PKNOX2: variants seen among roughly 807,000 people sequenced by gnomAD.
PKNOX2 encodes PBX/knotted 1 homeobox 2.
PKNOX2 carries 14 observed loss-of-function variants against 53.1 expected under a neutral mutation model. That is an observed-to-expected ratio of 0.26 (90% CI 0.17 to 0.41). The LOEUF is 0.41. Ranked by LOEUF, PKNOX2 falls within the 10% of genes least tolerant of loss-of-function variation. PKNOX2 has a pLI of 1.00. For synonymous variants in PKNOX2, 257 were observed against 242.8 expected (o/e 1.06, Z -0.54); for missense variants, 496 against 602.8 (o/e 0.82, Z 1.85).
chr11:125,222,146 A>T (rs149782554), intron 1 of PKNOX2, among the ~76,000 whole-genome samples: 11 of 152,074 alleles, frequency 7.2e-5, no homozygotes, highest in African/African-American at 2.4e-4. Flanking sequence ...ATGGCCCCAA[A>T]CTCTTCCTTG....
At chr11:125,357,679 C>T (rs117214744) in intron 4 of PKNOX2, among the ~76,000 whole-genome samples, 239 of 152,214 alleles carry the variant, frequency 1.6e-3, no homozygotes, top group South Asian at 3.1e-3. Context: ...GGTGTCTGTG[C>T]GGCCTGGCAG....
intron 2 of PKNOX2, among the ~76,000 whole-genome samples, chr11:125,264,872 T>A (rs2135755020): frequency 6.6e-6 from 1 of 152,212 alleles, no homozygotes; most frequent in Middle Eastern, 3.4e-3. Context: ...CCTGGCCCCA[T>A]CTGTGAAATG....
intron 2 of PKNOX2, among the ~76,000 whole-genome samples, chr11:125,306,144 C>T (rs1948438480): frequency 6.6e-6 from 1 of 152,132 alleles, no homozygotes; most frequent in Non-Finnish European, 1.5e-5. Context: ...TCTCTCACAC[C>T]CCTTCCCACC....
intron 2 of PKNOX2, among the ~76,000 whole-genome samples, chr11:125,271,412 C>T (rs1207826467): frequency 1.3e-5 from 2 of 152,220 alleles, no homozygotes; most frequent in Non-Finnish European, 2.9e-5. Flanking sequence ...TACAGTGTTC[C>T]ATGCTCTCCT....
intron 10 of PKNOX2, among the ~76,000 whole-genome samples, chr11:125,419,645 C>A (rs985909439): frequency 6.6e-6 from 1 of 151,740 alleles, no homozygotes; most frequent in African/African-American, 2.4e-5. Flanking sequence ...CTGTACAAAG[C>A]AATGACTATG....
chr11:125,357,334 G>T (rs1418247756), intron 4 of PKNOX2, among the ~76,000 whole-genome samples: 1 of 152,088 alleles, frequency 6.6e-6, no homozygotes, highest in Non-Finnish European at 1.5e-5. Flanking sequence ...CCAACCGTGG[G>T]GCCTTTATGC....
At chr11:125,188,844 C>T (rs1956610391) in intron 1 of PKNOX2, among the ~76,000 whole-genome samples, 1 of 152,022 alleles carries the variant, frequency 6.6e-6, no homozygotes, top group Non-Finnish European at 1.5e-5. Context: ...GTACATTCCT[C>T]CTCATGCGCC....
rs1952286446 is a variant in PKNOX2, at chr11:125,367,994, C to T, written c.227+9C>T. On this transcript the variant is annotated intron_variant, in intron 5 of 12. Coordinates refer to ENST00000298282, the MANE Select transcript of PKNOX2 (RefSeq NM_001382323.2). Reference sequence around the variant, plus strand: ...AAGCGAGCTGTATACAGGTAGGAGACACTTCAGCTGTGTCTACAGCCCTCA... The same window carrying T: ...AAGCGAGCTGTATACAGGTAGGAGATACTTCAGCTGTGTCTACAGCCCTCA... The T allele has an allele frequency of 6.2e-7, 1 of 1,610,852 alleles. No individual in the cohort carries two copies.
At chr11:125,283,071 G>A (rs1031244255) in intron 2 of PKNOX2, among the ~76,000 whole-genome samples, 1 of 152,122 alleles carries the variant, frequency 6.6e-6, no homozygotes, top group Non-Finnish European at 1.5e-5. Context: ...AGAATCGCTT[G>A]AGCTTGAGAG....
At chr11:125,394,216 C>T (rs181277868) in intron 6 of PKNOX2, among the ~76,000 whole-genome samples, 1 of 152,134 alleles carries the variant, frequency 6.6e-6, no homozygotes, top group Non-Finnish European at 1.5e-5. Context: ...CCAAGATGTT[C>T]GTGGCCAAAG....
In PKNOX2 at chr11:125,419,466, A is replaced by C. The variant is rs1247531994; in HGVS notation, c.936+7601A>C. ...TGAAAAAAAAAGAAAAAAAAAAAAA[A>C]CAAGAAAATGGCTTAGGGAGACTGG... On this transcript the variant is annotated intron_variant, in intron 10 of 12. Coordinates refer to ENST00000298282, the MANE Select transcript of PKNOX2 (RefSeq NM_001382323.2). 1.4e-4 allele frequency among the ~76,000 whole-genome samples: 20 copies of C among 145,344 alleles called. No homozygotes were observed. The East Asian group carries it at 4.0e-3, about 29-fold the overall frequency.
intron 10 of PKNOX2, among the ~76,000 whole-genome samples, chr11:125,412,124 G>C (rs1955595402): frequency 6.6e-6 from 1 of 152,230 alleles, no homozygotes; most frequent in Non-Finnish European, 1.5e-5. Context: ...GGGGACAAGT[G>C]CATGCTCAAG....
chr11:125,175,207 A>AGAAG (rs368917674), intron 1 of PKNOX2, among the ~76,000 whole-genome samples: 22,315 of 138,898 alleles, frequency 0.16, 1,842 homozygotes, highest in African/African-American at 0.25. Flanking sequence ...GGGTTTGAGG[A>AGAAG]GAAGGAAGGA....
At chr11:125,391,864 G>A (rs933996824) in intron 6 of PKNOX2, among the ~76,000 whole-genome samples, 12 of 152,150 alleles carry the variant, frequency 7.9e-5, no homozygotes, top group African/African-American at 1.9e-4. Flanking sequence ...CACATTTGGC[G>A]GTGATGTTGA....
At chr11:125,328,586 G>A (rs73025713) in intron 2 of PKNOX2, among the ~76,000 whole-genome samples, 5,201 of 152,198 alleles carry the variant, frequency 0.034, 100 homozygotes, top group African/African-American at 0.036. Flanking sequence ...TCAGACACCC[G>A]GAAAAGGCTG....
chr11:125,209,752 TAAAG>T (rs1939604422), intron 1 of PKNOX2, among the ~76,000 whole-genome samples: 1 of 151,578 alleles, frequency 6.6e-6, no homozygotes, highest in African/African-American at 2.4e-5. Flanking sequence ...GAAAAACAAA[TAAAG>T]AGGCAAAAGG....
At chr11:125,376,471 C>G (rs1296668465) in intron 5 of PKNOX2, among the ~76,000 whole-genome samples, 6 of 152,162 alleles carry the variant, frequency 3.9e-5, no homozygotes, top group Non-Finnish European at 8.8e-5. Flanking sequence ...TCCCTCCCCT[C>G]CCTCTAAGAC....
At chr11:125,279,294 G>A (rs534569417) in intron 2 of PKNOX2, among the ~76,000 whole-genome samples, 50 of 152,290 alleles carry the variant, frequency 3.3e-4, no homozygotes, top group African/African-American at 1.1e-3. Context: ...CTGTCTGACC[G>A]AATGATTGAA....
intron 3 of PKNOX2, among the ~76,000 whole-genome samples, chr11:125,347,475 T>G (rs1951042554): frequency 6.6e-6 from 1 of 151,620 alleles, no homozygotes; most frequent in Non-Finnish European, 1.5e-5. Context: ...GAGCTTGGTA[T>G]TTTTTTTCTG....
Sources: gnomAD v4.1 joint callset for allele counts (sites outside exome capture counted in the v4.1 genomes callset) on GRCh38, gnomAD v4.1.1 for gene constraint, MANE v1.5 for transcripts, NCBI Gene and HGNC (gene_info 2026-07-23, HGNC 2026-07-21) for gene names.